EXOC6: variants seen among roughly 807,000 people sequenced by gnomAD.
EXOC6 encodes exocyst complex component 6.
A neutral mutation model predicts 112.5 loss-of-function variants in EXOC6; 60 were observed. The ratio of observed to expected loss-of-function variants is 0.53; its 90% CI spans 0.43 to 0.66. EXOC6 has a LOEUF of 0.66. Ranked by LOEUF, EXOC6 falls within the 30% of genes least tolerant of loss-of-function variation. EXOC6 has a pLI of 0.00. For synonymous variants in EXOC6, 295 were observed against 308.0 expected (o/e 0.96, Z 0.44); for missense variants, 855 against 957.1 (o/e 0.89, Z 1.41).
chr10:93,016,559 C>T (rs1019200861), intron 20 of EXOC6, among the ~76,000 whole-genome samples: 6 of 151,958 alleles, frequency 3.9e-5, no homozygotes, highest in African/African-American at 1.5e-4. Flanking sequence ...CGGAAAGGGC[C>T]CCTGGAAGCT....
chr10:93,031,935 G>A (rs1287266618), intron 20 of EXOC6, among the ~76,000 whole-genome samples: 1 of 152,140 alleles, frequency 6.6e-6, no homozygotes, highest in Non-Finnish European at 1.5e-5. Context: ...AAATTGTTAA[G>A]TCTGGGCTTC....
rs887741769 is a variant in EXOC6, at chr10:92,954,227, C to G, written c.1527-403C>G. Reference sequence around the variant, plus strand: ...TCCAGGACTTTGGGGCTACAGTGAGCTATAATTGCACCACTGTACTCCAGC... The same window carrying G: ...TCCAGGACTTTGGGGCTACAGTGAGGTATAATTGCACCACTGTACTCCAGC... On this transcript the variant is annotated intron_variant, in intron 15 of 21. Coordinates refer to ENST00000260762, the MANE Select transcript of EXOC6 (RefSeq NM_019053.6). Among the ~76,000 whole-genome samples the G allele has an allele frequency of 2.6e-5, 4 of 152,172 alleles. No individual in the cohort carries two copies. In the East Asian group the frequency reaches 7.7e-4, roughly 29 times the overall value.
At chr10:92,930,909 C>G (rs536763183) in intron 9 of EXOC6, among the ~76,000 whole-genome samples, 1 of 151,864 alleles carries the variant, frequency 6.6e-6, no homozygotes, top group Non-Finnish European at 1.5e-5. Flanking sequence ...GTCAAGAGAT[C>G]GAGAGCATCC....
upstream of EXOC6, chr10:92,848,462 C>T (rs1274379664): frequency 1.0e-5 from 12 of 1,151,306 alleles, no homozygotes; most frequent in South Asian, 2.0e-5. Flanking sequence ...CCTTCGCGCT[C>T]GCGCCACTTG....
intron 1 of EXOC6, chr10:92,878,099 G>A (rs1848766019): frequency 6.5e-6 from 1 of 153,936 alleles, no homozygotes; most frequent in African/African-American, 2.4e-5. Flanking sequence ...CCTTGGGAGT[G>A]GGTGTATTCT....
intron 17 of EXOC6, among the ~76,000 whole-genome samples, chr10:92,970,435 T>G (rs1160166420): frequency 6.6e-6 from 1 of 152,028 alleles, no homozygotes; most frequent in Non-Finnish European, 1.5e-5. Flanking sequence ...CACCATTTTA[T>G]ATAAAGGACT....
chr10:92,943,889 G>A (rs1034850511), intron 13 of EXOC6, among the ~76,000 whole-genome samples: 5 of 152,084 alleles, frequency 3.3e-5, no homozygotes, highest in East Asian at 3.8e-4. Flanking sequence ...CCCTGCCTAC[G>A]CCACTTTCTG....
At chr10:92,921,967 A>G (rs1564833280) in intron 8 of EXOC6, among the ~76,000 whole-genome samples, 1 of 151,256 alleles carries the variant, frequency 6.6e-6, no homozygotes, top group East Asian at 1.9e-4. Context: ...TTTTTTTGAG[A>G]CAGAGTCTTG....
chr10:92,838,394 G>A (rs572024056), intron 1 of EXOC6, among the ~76,000 whole-genome samples: 66 of 152,266 alleles, frequency 4.3e-4, no homozygotes, highest in African/African-American at 1.3e-3. Flanking sequence ...TTCCCAATGA[G>A]CCCTTGTGTT....
chr10:92,837,621 C>T (rs905851359), intron 1 of EXOC6, among the ~76,000 whole-genome samples: 1 of 152,220 alleles, frequency 6.6e-6, no homozygotes, highest in African/African-American at 2.4e-5. Context: ...TGTGATCATG[C>T]CACTGCACCC....
At chr10:93,037,143 A>C (rs201073428) in intron 20 of EXOC6, among the ~76,000 whole-genome samples, 1 of 146,400 alleles carries the variant, frequency 6.8e-6, no homozygotes, top group African/African-American at 2.5e-5. Context: ...TTCTTCTTCT[A>C]CTTTTTTTTT....
intron 1 of EXOC6, among the ~76,000 whole-genome samples, chr10:92,859,599 T>C (rs1288792976): frequency 6.6e-6 from 1 of 152,152 alleles, no homozygotes; most frequent in African/African-American, 2.4e-5. Context: ...GATGAAACCA[T>C]AGGAGTAAGG....
At chr10:92,948,554 T>TTACTAC (rs1410408143) in intron 14 of EXOC6, among the ~76,000 whole-genome samples, 175 bp downstream of exon 14, 12 of 126,312 alleles carry the variant, frequency 9.5e-5, no homozygotes, top group South Asian at 5.4e-4. Flanking sequence ...GAGTATGTTA[T>TTACTAC]TACTACTACT....
At chr10:92,987,595 T>G (rs1045792147) in intron 18 of EXOC6, 2 of 984,570 alleles carry the variant, frequency 2.0e-6, no homozygotes, top group Non-Finnish European at 2.4e-6. Context: ...TTGATTGCCT[T>G]GCTGACTTCC....
intron 17 of EXOC6, among the ~76,000 whole-genome samples, chr10:92,969,928 A>C (rs1038513741): frequency 2.0e-5 from 3 of 152,206 alleles, no homozygotes; most frequent in Admixed American, 1.3e-4. Flanking sequence ...TTCTGACGTC[A>C]GGTGATCCAC....
intron 19 of EXOC6, among the ~76,000 whole-genome samples, chr10:93,011,549 A>G (rs1322694797): frequency 6.6e-6 from 1 of 152,188 alleles, no homozygotes; most frequent in Non-Finnish European, 1.5e-5. Flanking sequence ...GGCATGAGCC[A>G]CCATGCCCAG....
At chr10:92,918,915 CAAAT>C (rs1181171881) in intron 7 of EXOC6, among the ~76,000 whole-genome samples, 1 of 152,180 alleles carries the variant, frequency 6.6e-6, no homozygotes, top group Non-Finnish European at 1.5e-5. Flanking sequence ...TGAATACAGA[CAAAT>C]GAACAGCTTC....
intron 20 of EXOC6, among the ~76,000 whole-genome samples, chr10:93,053,686 G>A (rs182385862): frequency 5.9e-5 from 9 of 152,300 alleles, no homozygotes; most frequent in South Asian, 2.1e-4. Context: ...TAAGAAAAAA[G>A]CTCCCAAGGA....
chr10:92,916,114 G>A (rs1000695230), intron 7 of EXOC6: 2 of 406,538 alleles, frequency 4.9e-6, no homozygotes, highest in East Asian at 5.3e-5. Context: ...TGTCATGGAC[G>A]ATTAGCCTGG....
Sources: gnomAD v4.1 joint callset for allele counts (sites outside exome capture counted in the v4.1 genomes callset) on GRCh38, gnomAD v4.1.1 for gene constraint, MANE v1.5 for transcripts, NCBI Gene and HGNC (gene_info 2026-07-23, HGNC 2026-07-21) for gene names.